Variants in EIF4E3 observed in about 807,000 individuals in gnomAD.
The protein encoded by EIF4E3 is eukaryotic translation initiation factor 4E type 3.
EIF4E3 carries 26 observed loss-of-function variants against 31.7 expected under a neutral mutation model. The observed-to-expected ratio is 0.82, with a 90% CI of 0.60 to 1.14. The LOEUF (loss-of-function observed/expected upper bound fraction) is 1.14, where lower values mean the gene tolerates loss of function less well. Among genes scored for constraint, EIF4E3 ranks in the 50% most tolerant of loss-of-function variants. EIF4E3 has a pLI of 0.00. For synonymous variants in EIF4E3, 128 were observed against 107.7 expected (o/e 1.19, Z -1.17); for missense variants, 304 against 270.9 (o/e 1.12, Z -0.86).
At chr3:71,721,029 AAG>A (rs1244473764) in intron 1 of EIF4E3, among the ~76,000 whole-genome samples, 2 of 152,216 alleles carry the variant, frequency 1.3e-5, no homozygotes, top group Non-Finnish European at 2.9e-5. Flanking sequence ...GCAGAAAAGA[AAG>A]AGAATAGAGA....
intron 1 of EIF4E3, among the ~76,000 whole-genome samples, chr3:71,721,681 G>A (rs894213063): frequency 3.3e-5 from 5 of 152,138 alleles, no homozygotes; most frequent in African/African-American, 7.2e-5. Flanking sequence ...TGTGAAGAAG[G>A]TGCCTGCTTC....
At chr3:71,754,161 C>T, upstream of EIF4E3, 1 of 1,456,628 alleles carries the variant, frequency 6.9e-7, no homozygotes, top group Non-Finnish European at 9.1e-7. The surrounding 1 kb of genome is among the most constrained non-coding windows in gnomAD (Gnocchi z 5.8). Flanking sequence ...GGGCAACGTG[C>T]TGTTCGCGCT....
At position 71,679,360 on chromosome 3, in the gene EIF4E3, A is replaced by T. The variant is rs2048897695; in HGVS notation, c.*5322T>A. 1 of 152,210 alleles carries T rather than the reference A, an allele frequency of 6.6e-6. No homozygotes were observed. The highest frequency in any genetic ancestry group is 2.1e-4 in the South Asian group (1 of 4,836). The allele number at this position is 152,210 out of a possible 1,614,324, so 9.4% of individuals were successfully genotyped here. A position where few individuals can be genotyped will look rare whatever the true frequency, so the allele number is the denominator to read the frequency against. On this transcript the variant is annotated 3_prime_UTR_variant, in exon 7 of 7. Coordinates refer to ENST00000425534, the MANE Select transcript of EIF4E3 (RefSeq NM_001134651.2). ...AAATAAACATCTGTTCCAAAATAAA[A>T]GTTCAAGAAAAATTATCTGACTTCG...
chr3:71,665,327 C>T, the EIF4E3 span, among the ~76,000 whole-genome samples: 1 of 152,188 alleles, frequency 6.6e-6, no homozygotes, highest in Admixed American at 6.5e-5. Flanking sequence ...TGGCAGCCCA[C>T]AGTGATCCCA....
intron 1 of EIF4E3, among the ~76,000 whole-genome samples, chr3:71,738,324 A>G (rs2049784187): frequency 2.6e-5 from 4 of 152,330 alleles, no homozygotes; most frequent in Admixed American, 2.0e-4. Context: ...AGAATCTTAG[A>G]CTTTTACCCC....
chr3:71,670,780 C>G (rs1039971502), downstream of EIF4E3, among the ~76,000 whole-genome samples: 1 of 152,138 alleles, frequency 6.6e-6, no homozygotes. Flanking sequence ...CTGGATAGCA[C>G]GAAAAGAGCC....
At chr3:71,672,045 T>G (rs1279714621), downstream of EIF4E3, among the ~76,000 whole-genome samples, 4 of 152,172 alleles carry the variant, frequency 2.6e-5, no homozygotes, top group Admixed American at 2.6e-4. Flanking sequence ...CCCTCTCACA[T>G]GAGTGGGCTG....
At chr3:71,666,190 G>C in the EIF4E3 span, among the ~76,000 whole-genome samples, 1 of 151,902 alleles carries the variant, frequency 6.6e-6, no homozygotes, top group African/African-American at 2.4e-5. Context: ...AAAACAGATA[G>C]ACCACTAGCC....
At chr3:71,743,429 C>A (rs139954687) in intron 1 of EIF4E3, among the ~76,000 whole-genome samples, 1 of 151,986 alleles carries the variant, frequency 6.6e-6, no homozygotes, top group Admixed American at 6.5e-5. Flanking sequence ...ACCAGATATA[C>A]AAGAACTATA....
intron 1 of EIF4E3, among the ~76,000 whole-genome samples, chr3:71,742,917 C>CA (rs1210994303): frequency 6.6e-6 from 1 of 152,096 alleles, no homozygotes; most frequent in Non-Finnish European, 1.5e-5. Flanking sequence ...AAGCATTTGT[C>CA]AAAATCCAAC....
intron 2 of EIF4E3, among the ~76,000 whole-genome samples, chr3:71,705,192 G>A (rs1018068422): frequency 2.0e-5 from 3 of 152,084 alleles, no homozygotes; most frequent in Admixed American, 6.5e-5. Flanking sequence ...GTCCAGGGCA[G>A]CAAGTACTTG....
At chr3:71,754,343 C>G (rs904341322), upstream of EIF4E3, 4 of 1,296,442 alleles carry the variant, frequency 3.1e-6, no homozygotes, top group African/African-American at 4.6e-5. This position sits in a 1 kb window ranked among gnomAD's most constrained non-coding sequence, Gnocchi z 5.8. Context: ...GCAAGCTGCT[C>G]GCCTTCCTGG....
At chr3:71,672,205 C>G (rs1441098153), downstream of EIF4E3, among the ~76,000 whole-genome samples, 1 of 152,106 alleles carries the variant, frequency 6.6e-6, no homozygotes, top group Non-Finnish European at 1.5e-5. Context: ...TGGGCTCTCT[C>G]TAACATTTGC....
intron 1 of EIF4E3, among the ~76,000 whole-genome samples, chr3:71,717,183 C>G (rs1035623092): frequency 6.6e-6 from 1 of 152,184 alleles, no homozygotes; most frequent in Non-Finnish European, 1.5e-5. Flanking sequence ...TAGCATCACC[C>G]GGGAGCTTGT....
At chr3:71,690,259 G>A (rs961711301) in intron 5 of EIF4E3, 94 bp from the exon 6 acceptor site, 2 of 1,351,862 alleles carry the variant, frequency 1.5e-6, no homozygotes, top group Non-Finnish European at 2.0e-6. Flanking sequence ...GAAAATTAAG[G>A]ATAAGATGGA....
At chr3:71,714,525 T>G (rs1559602769) in intron 1 of EIF4E3, among the ~76,000 whole-genome samples, 1 of 152,300 alleles carries the variant, frequency 6.6e-6, no homozygotes, top group East Asian at 1.9e-4. Flanking sequence ...TAGTAAATAC[T>G]TGGCGGGCCA....
At chr3:71,667,103 A>G in the EIF4E3 span, among the ~76,000 whole-genome samples, 1 of 152,216 alleles carries the variant, frequency 6.6e-6, no homozygotes, top group Non-Finnish European at 1.5e-5. Flanking sequence ...TTCAACATAC[A>G]CAAATCAATA....
the EIF4E3 span, among the ~76,000 whole-genome samples, chr3:71,666,460 C>T: frequency 6.6e-6 from 1 of 151,720 alleles, no homozygotes; most frequent in Non-Finnish European, 1.5e-5. Flanking sequence ...TAATAGCCTA[C>T]CTCCCAAAAA....
In EIF4E3 at chr3:71,680,341, T is replaced by C. The variant is rs1394615625; in HGVS notation, c.*4341A>G. The C allele has an allele frequency of 6.6e-6, 1 of 152,124 alleles. No homozygotes were observed. The highest frequency in any genetic ancestry group is 1.5e-5 in the Non-Finnish European group (1 of 68,016). 9.4% of individuals were successfully genotyped at this position (152,124 alleles called of 1,614,324 possible). The stretch of plus-strand genomic sequence containing the variant: ...TCCTCCCAGATTTCTAGTGCTGGGG[T>C]CAAGAAATGTGAATAATAAGTAAGT... On this transcript the variant is annotated 3_prime_UTR_variant, in exon 7 of 7. Coordinates refer to ENST00000425534, the MANE Select transcript of EIF4E3 (RefSeq NM_001134651.2).
Sources: gnomAD v4.1 joint callset for allele counts (sites outside exome capture counted in the v4.1 genomes callset) on GRCh38, gnomAD v4.1.1 for gene constraint, Gnocchi (gnomAD v3.1) non-coding constraint, MANE v1.5 for transcripts, NCBI Gene and HGNC (gene_info 2026-07-23, HGNC 2026-07-21) for gene names.